The following AGBL1 variants were observed in gnomAD, a reference collection of about 807,000 sequenced individuals.
The protein encoded by AGBL1 is cytosolic carboxypeptidase 4.
AGBL1 carries 130 observed loss-of-function variants against 118.9 expected under a neutral mutation model. The ratio of observed to expected loss-of-function variants is 1.09; its 90% CI spans 0.95 to 1.26. AGBL1 has a LOEUF of 1.26. AGBL1 is among the 50% of genes most tolerant of loss of function. The pLI, the probability that AGBL1 is intolerant of heterozygous loss-of-function variation, is 0.00. For synonymous variants in AGBL1, 555 were observed against 478.9 expected (o/e 1.16, Z -2.08); for missense variants, 1,584 against 1,298.1 (o/e 1.22, Z -3.38).
chr15:86,224,414 A>G (rs1202836268), intron 5 of AGBL1, among the ~76,000 whole-genome samples: 1 of 152,206 alleles, frequency 6.6e-6, no homozygotes, highest in Non-Finnish European at 1.5e-5. Context: ...CTAAGGAAAC[A>G]GCCTCTCTTT....
In AGBL1 at chr15:86,979,168, T is replaced by C. The variant is rs1210896646; in HGVS notation, c.3222-8819T>C. Among the ~76,000 whole-genome samples the C allele has an allele frequency of 3.9e-5, 6 of 152,188 alleles. No individual in the cohort carries two copies. The South Asian group carries it at 8.3e-4, about 21-fold the overall frequency. On this transcript the variant is annotated intron_variant, in intron 23 of 24. Transcript: ENST00000441037. ...TTTTGGTCACTTGTCCTTAAATTAT[T>C]AAAATGCTAAAAATGTGTCTATCTG...
intron 18 of AGBL1, among the ~76,000 whole-genome samples, chr15:86,501,312 A>T (rs1378228644): frequency 1.3e-5 from 2 of 151,588 alleles, no homozygotes; most frequent in Non-Finnish European, 3.0e-5. Context: ...TATCTGGAGA[A>T]ATGTCTATTC....
At chr15:86,300,078 T>G (rs1228541503) in intron 17 of AGBL1, among the ~76,000 whole-genome samples, 1 of 152,236 alleles carries the variant, frequency 6.6e-6, no homozygotes, top group South Asian at 2.1e-4. Context: ...CTATACTTGT[T>G]GTCTTACCTC....
intron 24 of AGBL1, among the ~76,000 whole-genome samples, chr15:86,992,023 T>C (rs573853754): frequency 2.0e-5 from 3 of 152,288 alleles, no homozygotes; most frequent in African/African-American, 7.2e-5. Flanking sequence ...GAGGTTTAAT[T>C]GGCTCCTAAT....
chr15:86,760,085 A>T (rs2078002512), intron 22 of AGBL1, among the ~76,000 whole-genome samples: 1 of 152,030 alleles, frequency 6.6e-6, no homozygotes, highest in Admixed American at 6.6e-5. Context: ...ATTTTATCCC[A>T]CTGATGATCA....
chr15:86,476,677 C>G (rs534610902), intron 18 of AGBL1, among the ~76,000 whole-genome samples: 2 of 152,190 alleles, frequency 1.3e-5, no homozygotes, highest in South Asian at 4.2e-4. Context: ...ATGAATGAGA[C>G]AGAAAGTTAA....
chr15:86,868,340 C>A (rs912884607), intron 22 of AGBL1, among the ~76,000 whole-genome samples: 1 of 152,180 alleles, frequency 6.6e-6, no homozygotes, highest in Non-Finnish European at 1.5e-5. Flanking sequence ...TATAGCTAAC[C>A]AAGCCACACA....
At chr15:86,597,777 A>G (rs1028936461) in intron 21 of AGBL1, among the ~76,000 whole-genome samples, 1 of 152,070 alleles carries the variant, frequency 6.6e-6, no homozygotes, top group Admixed American at 6.6e-5. Flanking sequence ...TTTATAAGTG[A>G]AAAAAAGGGG....
intron 1 of AGBL1, among the ~76,000 whole-genome samples, chr15:86,127,956 G>A (rs1276495297): frequency 1.3e-5 from 2 of 152,106 alleles, no homozygotes; most frequent in Non-Finnish European, 2.9e-5. Flanking sequence ...TATCTCTTTA[G>A]GACCTTCTAT....
intron 22 of AGBL1, among the ~76,000 whole-genome samples, chr15:86,829,721 G>A (rs2079077473): frequency 6.6e-6 from 1 of 152,168 alleles, no homozygotes; most frequent in African/African-American, 2.4e-5. Context: ...TTGAGGGAGA[G>A]ATATAGTCAC....
At chr15:86,456,271 G>A (rs1386135743) in intron 18 of AGBL1, among the ~76,000 whole-genome samples, 1 of 152,054 alleles carries the variant, frequency 6.6e-6, no homozygotes, top group Non-Finnish European at 1.5e-5. Context: ...CTCTTAAACT[G>A]AAAAAAGACA....
chr15:86,259,731 G>A (rs916909718), intron 9 of AGBL1, among the ~76,000 whole-genome samples: 6 of 152,218 alleles, frequency 3.9e-5, no homozygotes, highest in East Asian at 1.9e-4. Context: ...TATGGAGTAC[G>A]TGCTGAATTA....
chr15:86,536,706 TGAG>T (rs1195757893), intron 19 of AGBL1, among the ~76,000 whole-genome samples: 2 of 152,164 alleles, frequency 1.3e-5, no homozygotes, highest in South Asian at 4.1e-4. Context: ...TGGAATGAAA[TGAG>T]GAGATGGAGG....
chr15:86,810,145 C>A (rs978760203), intron 22 of AGBL1, among the ~76,000 whole-genome samples: 1 of 152,070 alleles, frequency 6.6e-6, no homozygotes. Flanking sequence ...ACAATAAAAA[C>A]CACATCAGTC....
intron 18 of AGBL1, among the ~76,000 whole-genome samples, chr15:86,447,621 T>G (rs2082138234): frequency 6.6e-6 from 1 of 152,198 alleles, no homozygotes; most frequent in Non-Finnish European, 1.5e-5. Context: ...ATAGCCACAC[T>G]GAGGAAACCT....
In AGBL1 at chr15:86,247,816, C is replaced by T. The variant is rs752920552; in HGVS notation, c.672C>T (p.Leu224=). ...TCTGCCTCAGGCACATTGCTGCCCT[C>T]CGGTCCGGCAGGGAGGCCTTCCTGG... ...LLLCLRHIAA[L]RSGREAFLAA... is the part of the protein sequence containing the mutation. Residue 224 remains leucine, a synonymous_variant, in exon 7 of 23, where the codon CTC becomes CTT. Coordinates refer to ENST00000614907, the MANE Select transcript of AGBL1 (RefSeq NM_001386094.1). 2 of 1,613,990 alleles carry T rather than the reference C, an allele frequency of 1.2e-6. No homozygotes were observed. The highest frequency in any genetic ancestry group is 2.2e-5 in the South Asian group (2 of 91,084).
intron 18 of AGBL1, among the ~76,000 whole-genome samples, chr15:86,463,533 G>A (rs1240098673): frequency 6.6e-6 from 1 of 152,096 alleles, no homozygotes; most frequent in African/African-American, 2.4e-5. Context: ...ATCCTGAATG[G>A]TATTACTTAG....
chr15:86,508,218 C>T (rs879916232), intron 18 of AGBL1, among the ~76,000 whole-genome samples: 14 of 151,718 alleles, frequency 9.2e-5, no homozygotes, highest in Non-Finnish European at 1.6e-4. Flanking sequence ...CACTGTGCCC[C>T]ACCTGTGATT....
At chr15:86,920,310 G>A (rs1249186969), downstream of AGBL1, among the ~76,000 whole-genome samples, 1 of 152,188 alleles carries the variant, frequency 6.6e-6, no homozygotes, top group East Asian at 1.9e-4. Context: ...ACATCTCAAA[G>A]CCAACAAAGT....
Sources: gnomAD v4.1 joint callset for allele counts (sites outside exome capture counted in the v4.1 genomes callset) on GRCh38, gnomAD v4.1.1 for gene constraint, MANE v1.5 for transcripts, NCBI Gene and HGNC (gene_info 2026-07-23, HGNC 2026-07-21) for gene names.